DIP2C: variants seen among roughly 807,000 people sequenced by gnomAD.
DIP2C encodes the protein DIP2 acetate--CoA ligase C (putative).
A neutral mutation model predicts 192.4 loss-of-function variants in DIP2C; 33 were observed. The observed-to-expected ratio is 0.17, with a 90% CI of 0.13 to 0.23. The LOEUF (loss-of-function observed/expected upper bound fraction) is 0.23, where lower values mean the gene tolerates loss of function less well. Among genes scored for constraint, DIP2C ranks in the 10% least tolerant of loss-of-function variants. The pLI is 1.00. For synonymous variants in DIP2C, 979 were observed against 864.1 expected, an observed-to-expected ratio of 1.13 and a Z score of -2.33; for missense variants, 1,537 against 2,110.1, an observed-to-expected ratio of 0.73 and a Z score of 5.32.
At chr10:550,004 A>C (rs1848503130) in intron 1 of DIP2C, among the ~76,000 whole-genome samples, 1 of 133,868 alleles carries the variant, frequency 7.5e-6, no homozygotes, top group East Asian at 2.2e-4. Context: ...AGGGACGTGT[A>C]GCTTTTTTTT....
intron 1 of DIP2C, among the ~76,000 whole-genome samples, chr10:578,045 C>A (rs1200533502): frequency 2.0e-5 from 3 of 152,154 alleles, no homozygotes; most frequent in Admixed American, 6.5e-5. Flanking sequence ...TAACTACAAT[C>A]TTAGATTTGA....
At chr10:292,666 TTCATTCG>T (rs1955550504) in intron 32 of DIP2C, among the ~76,000 whole-genome samples, 1 of 152,256 alleles carries the variant, frequency 6.6e-6, no homozygotes. Context: ...GTCTTCATTC[TTCATTCG>T]TGCCTCCTGG....
chr10:338,647 C>T (rs1023682284), intron 29 of DIP2C, among the ~76,000 whole-genome samples: 3 of 152,198 alleles, frequency 2.0e-5, no homozygotes, highest in African/African-American at 7.2e-5. Context: ...CCATTTGGAA[C>T]GTACCCCCAT....
At position 320,508 on chromosome 10, in the gene DIP2C, C is replaced by CAA. The variant is rs71505870; in HGVS notation, c.3924+6496_3924+6497dup. 6.7e-3 allele frequency among the ~76,000 whole-genome samples: 720 copies of CAA among 106,706 alleles called. 6 individuals are homozygous for CAA. The highest frequency in any genetic ancestry group is 0.019 in the African/African-American group (588 of 30,554). 70.0% of individuals were successfully genotyped at this position (106,706 alleles called of 152,430 possible). On this transcript the variant is annotated intron_variant, in intron 31 of 36. Transcript: ENST00000280886. ...GGATGACAAGAGCAAGACTCCGTCT[C>CAA]AAAAAAAAAAAAAAAAATCAAGTAT...
intron 1 of DIP2C, chr10:650,215 G>C (rs370613326): frequency 2.0e-5 from 14 of 717,272 alleles, no homozygotes; most frequent in African/African-American, 1.9e-4. Flanking sequence ...AGGCCACACG[G>C]GGAGGGCTGT....
intron 1 of DIP2C, among the ~76,000 whole-genome samples, chr10:539,179 T>G (rs568294058): frequency 2.0e-5 from 3 of 152,262 alleles, no homozygotes; most frequent in Non-Finnish European, 4.4e-5. Context: ...TAAGCAAACC[T>G]TTCATAGAGT....
At chr10:299,175 T>A (rs906660968) in intron 32 of DIP2C, among the ~76,000 whole-genome samples, 2 of 152,240 alleles carry the variant, frequency 1.3e-5, no homozygotes, top group African/African-American at 4.8e-5. Flanking sequence ...CTGAACCATT[T>A]GAGGATAAGT....
intron 2 of DIP2C, among the ~76,000 whole-genome samples, chr10:477,695 A>G (rs111068198): frequency 0.82 from 106,679 of 130,242 alleles, 47,044 homozygotes; most frequent in Non-Finnish European, 0.97. Flanking sequence ...GAAAGCGGAG[A>G]AAAGGAAAGA....
chr10:468,456 A>G (rs1418661435), intron 3 of DIP2C, among the ~76,000 whole-genome samples: 1 of 152,104 alleles, frequency 6.6e-6, no homozygotes, highest in Non-Finnish European at 1.5e-5. Flanking sequence ...CCAATCAGTC[A>G]TTATTGATTA....
Position 452,845 on chromosome 10 carries a change from T to C in DIP2C, c.269-11849A>G, listed in dbSNP as rs1017472601. 2.6e-5 allele frequency among the ~76,000 whole-genome samples: 4 copies of C among 152,206 alleles called. No individual in the cohort carries two copies. In the East Asian group the frequency reaches 5.8e-4, roughly 22 times the overall value. On this transcript the variant is annotated intron_variant, in intron 3 of 36. Transcript: ENST00000280886. ...CACAGGTGAGGCGAGAGAAGAGGGA[T>C]AGACTTGACCACAGGGCACGGGGCA...
chr10:587,427 G>A (rs1851130942), intron 1 of DIP2C, among the ~76,000 whole-genome samples: 2 of 152,202 alleles, frequency 1.3e-5, no homozygotes, highest in Non-Finnish European at 2.9e-5. Context: ...CTGGGCACGT[G>A]GGAGGCCACA....
chr10:334,317 A>AAAAG (rs1282096136), intron 29 of DIP2C, among the ~76,000 whole-genome samples: 1 of 151,296 alleles, frequency 6.6e-6, no homozygotes, highest in African/African-American at 2.4e-5. Flanking sequence ...AAAAAAAAAA[A>AAAAG]AAAAAAAAGA....
At chr10:384,200 A>G (rs903779900) in intron 15 of DIP2C, 54 bp from the exon 16 acceptor site, 9 of 1,565,562 alleles carry the variant, frequency 5.7e-6, no homozygotes, top group African/African-American at 5.6e-5. Flanking sequence ...ATCGTCCCCT[A>G]TTGCAAAAGA....
chr10:519,140 C>T (rs1846539846), intron 1 of DIP2C, among the ~76,000 whole-genome samples: 2 of 152,248 alleles, frequency 1.3e-5, no homozygotes, highest in Non-Finnish European at 2.9e-5. Context: ...GCACTGGAGT[C>T]CTTGGCTCAG....
chr10:379,493 G>A (rs1185873391), intron 17 of DIP2C, among the ~76,000 whole-genome samples: 2 of 152,262 alleles, frequency 1.3e-5, no homozygotes, highest in East Asian at 3.9e-4. Flanking sequence ...TGAAGGCCCT[G>A]GACCTTGACG....
chr10:611,655 G>A (rs1220697790), intron 1 of DIP2C, among the ~76,000 whole-genome samples: 1 of 152,156 alleles, frequency 6.6e-6, no homozygotes, highest in Admixed American at 6.5e-5. Flanking sequence ...AACATCTTAA[G>A]CTTCCTTTTT....
intron 1 of DIP2C, among the ~76,000 whole-genome samples, chr10:583,208 CA>C (rs1308867276): frequency 6.6e-6 from 1 of 152,026 alleles, no homozygotes; most frequent in Non-Finnish European, 1.5e-5. Flanking sequence ...AGTGCATCTG[CA>C]AACGCAGTTT....
intron 23 of DIP2C, 32 bp downstream of exon 23, chr10:357,796 C>T (rs750496479): frequency 5.8e-6 from 9 of 1,546,874 alleles, no homozygotes; most frequent in South Asian, 3.4e-5. Flanking sequence ...AAGTCGGGGA[C>T]GGTCGGGGAG....
At chr10:404,379 T>G (rs1342596846) in intron 9 of DIP2C, among the ~76,000 whole-genome samples, 1 of 152,132 alleles carries the variant, frequency 6.6e-6, no homozygotes, top group South Asian at 2.1e-4. Flanking sequence ...CAGCCAATTT[T>G]TTTCTATTTT....
Sources: allele counts gnomAD v4.1 joint callset (sites outside exome capture counted in the v4.1 genomes callset), GRCh38; gene constraint gnomAD v4.1.1; transcripts MANE v1.5; gene names NCBI Gene and HGNC (gene_info 2026-07-23, HGNC 2026-07-21).